Variants in NEGR1 observed in about 807,000 individuals in gnomAD.
NEGR1 encodes the protein neuronal growth regulator 1, also known as IgLON family member 4.
In NEGR1, 10 loss-of-function variants were observed where a neutral mutation model predicts 40.9. The observed-to-expected ratio is 0.24, with a 90% CI of 0.15 to 0.42. The LOEUF is 0.42. Ranked by LOEUF, NEGR1 falls within the 10% of genes least tolerant of loss-of-function variation. The probability of loss-of-function intolerance (pLI) is 1.00; values close to 1 mark genes in which losing one functional copy is unlikely to be tolerated. For missense variants in NEGR1, 352 were observed against 438.9 expected, an observed-to-expected ratio of 0.80 and a Z score of 1.77; for synonymous variants, 185 against 166.8, an observed-to-expected ratio of 1.11 and a Z score of -0.84.
chr1:71,965,514 C>T (rs1407856731), intron 1 of NEGR1, among the ~76,000 whole-genome samples: 4 of 152,072 alleles, frequency 2.6e-5, no homozygotes, highest in African/African-American at 7.2e-5. Context: ...TCTAAATCTT[C>T]CTAGACCTAG....
At chr1:71,431,070 TC>T (rs926939163) in intron 6 of NEGR1, among the ~76,000 whole-genome samples, 5 of 121,798 alleles carry the variant, frequency 4.1e-5, no homozygotes, top group East Asian at 2.1e-4. Context: ...TTTTTTATGA[TC>T]TTTTTTTTAT....
chr1:71,729,687 T>C (rs888012147), intron 3 of NEGR1, among the ~76,000 whole-genome samples: 3 of 152,130 alleles, frequency 2.0e-5, no homozygotes, highest in African/African-American at 7.2e-5. Context: ...CAGGCTGGAG[T>C]GCAGTGGTGC....
chr1:71,623,993 C>T lies in NEGR1; in HGVS notation c.668-12847G>A, dbSNP rs1218445962. Among the ~76,000 whole-genome samples, 2 of 151,814 alleles carry T rather than the reference C, an allele frequency of 1.3e-5. 1 individual carries two copies. Among genetic ancestry groups the T allele is most frequent in the African/African-American group, 4.8e-5 (2 of 41,372 alleles). ...ATTATTAAAGAATATGTTTGGGTTC[C>T]TTCCTTTTTTGCTCAGGAATACATA... On this transcript the variant is annotated intron_variant, in intron 4 of 6. Transcript: ENST00000357731.
At chr1:72,190,287 TACAG>T (rs1343662532) in intron 1 of NEGR1, among the ~76,000 whole-genome samples, 11 of 151,610 alleles carry the variant, frequency 7.3e-5, no homozygotes, top group Non-Finnish European at 1.5e-4. Flanking sequence ...TATGTGTGTG[TACAG>T]ACACTTACTT....
chr1:71,951,141 A>AT lies in NEGR1; in HGVS notation c.177-15831dup, dbSNP rs1257599880. Among the ~76,000 whole-genome samples the AT allele has an allele frequency of 2.0e-5, 3 of 151,882 alleles. No individual in the cohort carries two copies. In the South Asian group the frequency reaches 6.2e-4, roughly 31 times the overall value. On this transcript the variant is annotated intron_variant, in intron 1 of 6. Transcript: ENST00000357731. Reference sequence around the variant, plus strand: ...GGCATTTAGGAAAATGAATGGATTAATTTTTTTTGAAATGCACACTGCTCC... The same window carrying AT: ...GGCATTTAGGAAAATGAATGGATTAATTTTTTTTTGAAATGCACACTGCTCC...
chr1:71,876,732 T>C (rs112382136), intron 2 of NEGR1, among the ~76,000 whole-genome samples: 2,326 of 152,262 alleles, frequency 0.015, 53 homozygotes, highest in South Asian at 0.1. Flanking sequence ...TGAGCATATA[T>C]GTAGCATGTC....
chr1:72,246,107 A>C (rs182909169), intron 1 of NEGR1, among the ~76,000 whole-genome samples: 1 of 152,184 alleles, frequency 6.6e-6, no homozygotes, highest in East Asian at 1.9e-4. Flanking sequence ...ATCCCATTCA[A>C]AAAAACAAAA....
chr1:71,970,238 G>A (rs1646244127), intron 1 of NEGR1, among the ~76,000 whole-genome samples: 1 of 152,150 alleles, frequency 6.6e-6, no homozygotes, highest in South Asian at 2.1e-4. Flanking sequence ...ACACCTATTG[G>A]GTGGGGAAAG....
At chr1:72,113,488 AC>A (rs1649460495) in intron 1 of NEGR1, among the ~76,000 whole-genome samples, 1 of 151,616 alleles carries the variant, frequency 6.6e-6, no homozygotes, top group Admixed American at 6.6e-5. Context: ...AAATATAAAT[AC>A]ACTTAGAAAT....
intron 6 of NEGR1, among the ~76,000 whole-genome samples, chr1:71,526,471 G>A (rs1389856078): frequency 6.6e-6 from 1 of 150,980 alleles, no homozygotes; most frequent in East Asian, 2.0e-4. Context: ...CAAACAACAG[G>A]ATAAAGTCCA....
chr1:72,046,007 GAAAGT>G (rs1436427302), intron 1 of NEGR1, among the ~76,000 whole-genome samples: 2 of 151,658 alleles, frequency 1.3e-5, no homozygotes, highest in African/African-American at 4.8e-5. Flanking sequence ...TGAGTAGAAA[GAAAGT>G]AATTAATGGA....
chr1:72,268,865 A>G (rs1206615792), intron 1 of NEGR1, among the ~76,000 whole-genome samples: 1 of 151,352 alleles, frequency 6.6e-6, no homozygotes, highest in Non-Finnish European at 1.5e-5. Flanking sequence ...GAACGCGAAG[A>G]AGGAGCTAGA....
At chr1:71,572,035 T>C (rs1648825388) in intron 6 of NEGR1, among the ~76,000 whole-genome samples, 1 of 152,168 alleles carries the variant, frequency 6.6e-6, no homozygotes, top group African/African-American at 2.4e-5. Flanking sequence ...TTTGGAGCTT[T>C]AATTTTTCAA....
intron 1 of NEGR1, among the ~76,000 whole-genome samples, chr1:72,149,570 T>A (rs1651038997): frequency 6.6e-6 from 1 of 151,994 alleles, no homozygotes; most frequent in Non-Finnish European, 1.5e-5. Flanking sequence ...TAATTCAATC[T>A]ATAAAGTTAG....
chr1:71,773,368 T>C (rs551313272), intron 3 of NEGR1, among the ~76,000 whole-genome samples: 116 of 152,332 alleles, frequency 7.6e-4, no homozygotes, highest in African/African-American at 2.7e-3. Context: ...ATAACTGCTT[T>C]TAACACTCAA....
intron 2 of NEGR1, among the ~76,000 whole-genome samples, chr1:71,821,886 A>C (rs1279908831): frequency 1.3e-5 from 2 of 152,008 alleles, no homozygotes; most frequent in African/African-American, 4.8e-5. Context: ...ATAAGCAAGC[A>C]ACATGAGCAG....
intron 1 of NEGR1, among the ~76,000 whole-genome samples, chr1:72,200,030 G>A (rs1653148316): frequency 6.6e-6 from 1 of 151,836 alleles, no homozygotes; most frequent in African/African-American, 2.4e-5. Context: ...AAGTGACAGA[G>A]GCAGGTGAGG....
intron 3 of NEGR1, among the ~76,000 whole-genome samples, chr1:71,715,200 C>T (rs937747011): frequency 1.3e-5 from 2 of 152,202 alleles, no homozygotes; most frequent in Non-Finnish European, 2.9e-5. Context: ...TCAGTCGTGG[C>T]TGGGATGCAG....
intron 1 of NEGR1, among the ~76,000 whole-genome samples, chr1:72,122,900 T>C (rs1481878149): frequency 6.6e-6 from 1 of 151,560 alleles, no homozygotes; most frequent in East Asian, 2.0e-4. Flanking sequence ...AAAGACAAAA[T>C]AAAACAACTC....
Sources: gnomAD v4.1 joint callset for allele counts (sites outside exome capture counted in the v4.1 genomes callset) on GRCh38, gnomAD v4.1.1 for gene constraint, MANE v1.5 for transcripts, NCBI Gene and HGNC (gene_info 2026-07-23, HGNC 2026-07-21) for gene names.